PLEKHA2: variants seen among roughly 807,000 people sequenced by gnomAD.
PLEKHA2 encodes the protein pleckstrin homology domain containing A2.
Under a neutral mutation model 53.2 loss-of-function variants are expected in PLEKHA2, and 28 were observed. The ratio of observed to expected loss-of-function variants is 0.53; its 90% CI spans 0.39 to 0.72. PLEKHA2 has a LOEUF of 0.72. Among genes scored for constraint, PLEKHA2 ranks in the 30% least tolerant of loss-of-function variants. PLEKHA2 has a pLI of 0.00. For missense variants in PLEKHA2, 426 were observed against 537.9 expected (o/e 0.79, Z 2.06); for synonymous variants, 193 against 196.4 (o/e 0.98, Z 0.14).
intron 5 of PLEKHA2, among the ~76,000 whole-genome samples, chr8:38,947,239 C>G (rs373829753): frequency 1.3e-5 from 2 of 151,832 alleles, no homozygotes; most frequent in African/African-American, 4.8e-5. Context: ...TTTGGGAGGC[C>G]GAGGTGGGTG....
chr8:38,918,172 C>A, intron 2 of PLEKHA2, 102 bp downstream of exon 2: 2 of 1,426,018 alleles, frequency 1.4e-6, no homozygotes, highest in Non-Finnish European at 1.9e-6. Context: ...GTGAGCAACA[C>A]AACCTGCTGA....
At chr8:38,902,687 A>G (rs1301094167) in intron 1 of PLEKHA2, among the ~76,000 whole-genome samples, 2 of 152,184 alleles carry the variant, frequency 1.3e-5, no homozygotes, top group Non-Finnish European at 2.9e-5. Flanking sequence ...CGAAACAGCA[A>G]AGCAAAAGAT....
chr8:38,968,843 TCTC>T (rs1835187909), intron 11 of PLEKHA2, 174 bp downstream of exon 11: 2 of 599,384 alleles, frequency 3.3e-6, no homozygotes, highest in South Asian at 4.6e-5. Flanking sequence ...TTTTTATTTT[TCTC>T]TGTTTGGTTG....
rs1446318209 is a variant in PLEKHA2 at position 38,956,460 on chromosome 8, G to A, written c.774-863G>A. ...GGGTGGAGGAGACGGTTTAGGGAGC[G>A]GAGAGTTGGCTCCCTTAGGAGAGGC... On this transcript the variant is annotated intron_variant, in intron 9 of 11. Coordinates refer to ENST00000617275, the MANE Select transcript of PLEKHA2 (RefSeq NM_021623.2). 5.9e-5 allele frequency among the ~76,000 whole-genome samples: 9 copies of A among 152,244 alleles called. No individual in the cohort carries two copies. In the East Asian group the frequency reaches 9.7e-4, roughly 16 times the overall value.
chr8:38,957,492 C>T (rs1259671067), intron 10 of PLEKHA2, 106 bp downstream of exon 10: 2 of 986,536 alleles, frequency 2.0e-6, no homozygotes, highest in African/African-American at 1.6e-5. Flanking sequence ...CTTGAAGTTT[C>T]TAGGCAGTAA....
intron 2 of PLEKHA2, among the ~76,000 whole-genome samples, chr8:38,926,286 G>GT (rs1026201272): frequency 1.5e-4 from 23 of 150,890 alleles, no homozygotes; most frequent in African/African-American, 5.3e-4. Context: ...GAATCCTTTG[G>GT]TAAAAAAAAA....
At chr8:38,911,365 T>C (rs1833951784) in intron 1 of PLEKHA2, among the ~76,000 whole-genome samples, 1 of 152,084 alleles carries the variant, frequency 6.6e-6, no homozygotes, top group African/African-American at 2.4e-5. Context: ...GTCTCCCGAA[T>C]AGCTGGGATT....
intron 2 of PLEKHA2, among the ~76,000 whole-genome samples, chr8:38,927,803 G>A (rs1239052931): frequency 6.6e-6 from 1 of 152,174 alleles, no homozygotes; most frequent in African/African-American, 2.4e-5. Flanking sequence ...GAGCTCTAAA[G>A]TGCTACAGAT....
chr8:38,941,284 T>G (rs1191159464), intron 3 of PLEKHA2, among the ~76,000 whole-genome samples: 1 of 152,112 alleles, frequency 6.6e-6, no homozygotes, highest in Non-Finnish European at 1.5e-5. Flanking sequence ...TCGAACTCCT[T>G]ACCTCAAGTG....
At chr8:38,914,078 C>G (rs938577987) in intron 1 of PLEKHA2, among the ~76,000 whole-genome samples, 3 of 152,230 alleles carry the variant, frequency 2.0e-5, no homozygotes, top group Non-Finnish European at 4.4e-5. Context: ...TTCTCACCAC[C>G]TCTTTTACTG....
chr8:38,955,095 G>T (rs753982699), intron 9 of PLEKHA2, among the ~76,000 whole-genome samples: 1 of 152,144 alleles, frequency 6.6e-6, no homozygotes, highest in Non-Finnish European at 1.5e-5. Context: ...GGGGGAACAG[G>T]TGGTGTTTGG....
intron 9 of PLEKHA2, among the ~76,000 whole-genome samples, chr8:38,955,976 C>T (rs1834932151): frequency 6.6e-6 from 1 of 152,086 alleles, no homozygotes; most frequent in African/African-American, 2.4e-5. Context: ...ACACCTGACT[C>T]AGTTTTGTAT....
At chr8:38,926,771 A>C (rs1052943117) in intron 2 of PLEKHA2, among the ~76,000 whole-genome samples, 4 of 152,222 alleles carry the variant, frequency 2.6e-5, no homozygotes, top group Non-Finnish European at 2.9e-5. Context: ...CTCTACTAAA[A>C]GTACAATAAT....
At chr8:38,905,606 C>T (rs767710148) in intron 1 of PLEKHA2, among the ~76,000 whole-genome samples, 9 of 152,024 alleles carry the variant, frequency 5.9e-5, no homozygotes, top group Admixed American at 1.3e-4. Flanking sequence ...TACGCTCCCC[C>T]CTCACCACTC....
At chr8:38,950,756 T>G in intron 5 of PLEKHA2, 94 bp from the exon 6 acceptor site, 23 of 1,473,716 alleles carry the variant, frequency 1.6e-5, no homozygotes, top group Non-Finnish European at 2.0e-5. Context: ...ATTTGGCACA[T>G]GAGCTTTTCT....
At chr8:38,946,050 CT>C in intron 4 of PLEKHA2, 73 bp from the exon 5 acceptor site, 1 of 1,225,128 alleles carries the variant, frequency 8.2e-7, no homozygotes, top group Non-Finnish European at 1.2e-6. Context: ...AACACCTTAG[CT>C]TTGTGGAGAC....
In PLEKHA2 at chr8:38,953,297, G is replaced by C. The variant is rs764846331; in HGVS notation, c.703G>C (p.Asp235His). 1 of 1,611,596 alleles carries C rather than the reference G, an allele frequency of 6.2e-7. No homozygotes were observed. Among genetic ancestry groups the C allele is most frequent in the Non-Finnish European group, 8.5e-7 (1 of 1,177,720 alleles). Reference sequence around the variant, plus strand: ...CCTGTCTTTCTGTTCTTTCCACCAGGACCGAGAACCACTGCGCACCATATT... The same window carrying C: ...CCTGTCTTTCTGTTCTTTCCACCAGCACCGAGAACCACTGCGCACCATATT... The part of the protein sequence containing the change: ...FTICYFKCEQ[D>H]REPLRTIFLK... Residue 235 changes from aspartate to histidine, a missense_variant and splice_region_variant, in exon 9 of 12, where the codon GAC (aspartate) becomes CAC (histidine). By Grantham distance (81) the Asp-to-His change is moderately conservative. Coordinates refer to ENST00000617275, the MANE Select transcript of PLEKHA2 (RefSeq NM_021623.2).
chr8:38,969,815 AG>A lies in PLEKHA2; in HGVS notation c.*35del. 4.2e-6 allele frequency: 2 copies of A among 479,724 alleles called. No homozygotes were observed. The highest frequency in any genetic ancestry group is 4.1e-6 in the Non-Finnish European group (1 of 243,922). The allele number at this position is 479,724 out of a possible 1,614,324, so 29.7% of individuals were successfully genotyped here. A position where few individuals can be genotyped will look rare whatever the true frequency, so the allele number is the denominator to read the frequency against. ...ACAGTGCCATGGGAGGGAGGGAGGGAGGGAGGACTTGAGAGAAGGAGGCTGT... is the reference window on the plus strand; with the variant it reads ...ACAGTGCCATGGGAGGGAGGGAGGGAGGAGGACTTGAGAGAAGGAGGCTGT... On this transcript the variant is annotated 3_prime_UTR_variant, in exon 12 of 12. Transcript: ENST00000617275.
At chr8:38,964,197 G>A (rs999812875) in intron 10 of PLEKHA2, among the ~76,000 whole-genome samples, 1 of 152,158 alleles carries the variant, frequency 6.6e-6, no homozygotes, top group African/African-American at 2.4e-5. Flanking sequence ...AAAGATGTGA[G>A]TAGCAGCATT....
Sources: gnomAD v4.1 joint callset for allele counts (sites outside exome capture counted in the v4.1 genomes callset) on GRCh38, gnomAD v4.1.1 for gene constraint, MANE v1.5 for transcripts, NCBI Gene and HGNC (gene_info 2026-07-23, HGNC 2026-07-21) for gene names.